The following PGM1 variants were observed in gnomAD, a reference collection of about 807,000 sequenced individuals.
The protein encoded by PGM1 is phosphoglucomutase 1.
PGM1 carries 52 observed loss-of-function variants against 55.6 expected under a neutral mutation model. That is an observed-to-expected ratio of 0.94 (90% confidence interval 0.75 to 1.18). The LOEUF (loss-of-function observed/expected upper bound fraction) is 1.18, where lower values mean the gene tolerates loss of function less well. Among genes scored for constraint, PGM1 ranks in the 50% most tolerant of loss-of-function variants. The probability of loss-of-function intolerance (pLI) is 0.00; values close to 1 mark genes in which losing one functional copy is unlikely to be tolerated. For missense variants in PGM1, 724 were observed against 729.3 expected, an observed-to-expected ratio of 0.99 and a Z score of 0.08; for synonymous variants, 287 against 271.7, an observed-to-expected ratio of 1.06 and a Z score of -0.55.
chr1:63,646,567 C>G (rs1649650426), intron 7 of PGM1, among the ~76,000 whole-genome samples: 1 of 152,092 alleles, frequency 6.6e-6, no homozygotes, highest in Non-Finnish European at 1.5e-5. Context: ...ATGAGTAGGT[C>G]CAATTTGAAG....
chr1:63,616,713 T>C (rs1648722063), intron 1 of PGM1, among the ~76,000 whole-genome samples: 1 of 152,184 alleles, frequency 6.6e-6, no homozygotes, highest in African/African-American at 2.4e-5. Flanking sequence ...GCAGCTGTTA[T>C]GTTTGTTTTT....
chr1:63,600,474 C>G (rs188433093), intron 1 of PGM1, among the ~76,000 whole-genome samples: 2 of 152,102 alleles, frequency 1.3e-5, no homozygotes, highest in Non-Finnish European at 2.9e-5. Flanking sequence ...CTCGGTACTA[C>G]GGATACAACA....
intron 1 of PGM1, among the ~76,000 whole-genome samples, chr1:63,611,876 C>A (rs908036225): frequency 6.6e-6 from 1 of 151,768 alleles, no homozygotes; most frequent in African/African-American, 2.4e-5. Flanking sequence ...TGCACTCCAA[C>A]CTGGCAACAG....
At chr1:63,608,346 G>A (rs1416284530) in intron 1 of PGM1, among the ~76,000 whole-genome samples, 1 of 152,180 alleles carries the variant, frequency 6.6e-6, no homozygotes, top group Non-Finnish European at 1.5e-5. Flanking sequence ...TTTAGGAGCT[G>A]TACAAAATGG....
chr1:63,654,534 TG>T, intron 10 of PGM1, 68 bp downstream of exon 10: 1 of 1,476,744 alleles, frequency 6.8e-7, no homozygotes, highest in South Asian at 1.1e-5. Flanking sequence ...CCATTGAGCC[TG>T]TGTTTCAATG....
chr1:63,658,261 T>C (rs1295718874), intron 10 of PGM1, among the ~76,000 whole-genome samples: 2 of 152,120 alleles, frequency 1.3e-5, no homozygotes, highest in African/African-American at 4.8e-5. Flanking sequence ...CTGGCTCTGC[T>C]ATTGAGTCAT....
In PGM1 at chr1:63,603,908, G is replaced by A. The variant is rs78818426; in HGVS notation, c.246+10174G>A. On this transcript the variant is annotated intron_variant, in intron 1 of 10. Coordinates refer to ENST00000371084, the MANE Select transcript of PGM1 (RefSeq NM_002633.3). Reference sequence around the variant, plus strand: ...TCTTGTCTTCTTTGTCTCCCTGGAAGTTCTATATACAACAGTTACATTTGT... The same window carrying A: ...TCTTGTCTTCTTTGTCTCCCTGGAAATTCTATATACAACAGTTACATTTGT... Among the ~76,000 whole-genome samples the A allele has an allele frequency of 2.5e-3, 380 of 152,328 alleles. 2 individuals carry two copies. Among genetic ancestry groups the A allele is most frequent in the Non-Finnish European group, 4.7e-3 (323 of 68,032 alleles).
At chr1:63,646,441 A>T (rs1242395165) in intron 7 of PGM1, among the ~76,000 whole-genome samples, 1 of 152,128 alleles carries the variant, frequency 6.6e-6, no homozygotes, top group Non-Finnish European at 1.5e-5. Context: ...AAATTTTGTT[A>T]AAGATTTTAG....
intron 1 of PGM1, among the ~76,000 whole-genome samples, chr1:63,602,624 C>T (rs778356513): frequency 9.8e-6 from 1 of 102,482 alleles, no homozygotes; most frequent in Non-Finnish European, 1.9e-5. Flanking sequence ...TGAAATGTTG[C>T]TCAAGAGTGA....
Position 63,631,722 on chromosome 1 carries a change from C to T in PGM1, c.622C>T (p.Leu208=). The T allele has an allele frequency of 6.2e-7, 1 of 1,612,908 alleles. No homozygotes were observed. Among genetic ancestry groups the T allele is most frequent in the Non-Finnish European group, 8.5e-7 (1 of 1,178,928 alleles). ...MLRSIFDFSA[L]KELLSGPNRL... ...GAGAAGCATCTTTGATTTCAGTGCA[C>T]TGAAAGAACTACTTTCTGGGCCAAA... The change falls in exon 4 of 11, where the codon CTG becomes TTG. Residue 208 remains leucine, a synonymous_variant. Coordinates refer to ENST00000371084, the MANE Select transcript of PGM1 (RefSeq NM_002633.3).
chr1:63,654,236 A>G (rs1356550812), intron 9 of PGM1, 96 bp from the exon 10 acceptor site: 20 of 1,212,546 alleles, frequency 1.6e-5, no homozygotes, highest in Non-Finnish European at 2.2e-5. Context: ...ATGAACAAGT[A>G]TGGATGAAAT....
At chr1:63,597,783 A>G (rs557083990) in intron 1 of PGM1, among the ~76,000 whole-genome samples, 5 of 152,202 alleles carry the variant, frequency 3.3e-5, no homozygotes, top group Non-Finnish European at 7.3e-5. Flanking sequence ...TAAGCTCACA[A>G]ATGAATGTGT....
chr1:63,623,980 G>A (rs959868335), intron 1 of PGM1, among the ~76,000 whole-genome samples: 1 of 152,106 alleles, frequency 6.6e-6, no homozygotes, highest in Non-Finnish European at 1.5e-5. Context: ...AGCTTCTTAG[G>A]TATTATGCTG....
rs1391546545 is a variant in PGM1 at position 63,660,051 on chromosome 1, T to G, written c.*376T>G. The G allele has an allele frequency of 1.3e-5, 4 of 296,368 alleles. No homozygotes were observed. The highest frequency in any genetic ancestry group is 2.1e-5 in the African/African-American group (1 of 47,242). The allele number at this position is 296,368 out of a possible 1,614,324, so 18.4% of individuals were successfully genotyped here. ...GTGGCAATGAAATGATGGTGCAAGTTCCTTTCTCTTTTGTGAATCTTTCCC... is the reference window on the plus strand; with the variant it reads ...GTGGCAATGAAATGATGGTGCAAGTGCCTTTCTCTTTTGTGAATCTTTCCC... On this transcript the variant is annotated 3_prime_UTR_variant, in exon 11 of 11. Coordinates refer to ENST00000371084, the MANE Select transcript of PGM1 (RefSeq NM_002633.3).
At chr1:63,651,119 C>A (rs1377716620) in intron 8 of PGM1, among the ~76,000 whole-genome samples, 1 of 151,616 alleles carries the variant, frequency 6.6e-6, no homozygotes, top group Non-Finnish European at 1.5e-5. Flanking sequence ...CAGTGTTTGG[C>A]GTCTTCATCT....
At position 63,593,422 on chromosome 1, in the gene PGM1, A is replaced by G. The variant is rs1041813760; in HGVS notation, c.-67A>G. On this transcript the variant is annotated 5_prime_UTR_variant, in exon 1 of 11. Coordinates refer to ENST00000371084, the MANE Select transcript of PGM1 (RefSeq NM_002633.3). The stretch of plus-strand genomic sequence containing the variant: ...CGTGCCCTCACCCCAGAGCAGCTGC[A>G]GCCTCAGCCGGCCGCCCCTCCGCCA... The G allele has an allele frequency of 1.9e-6, 3 of 1,607,026 alleles. No homozygotes were observed. In the African/African-American group the frequency reaches 4.0e-5, roughly 21 times the overall value.
intron 4 of PGM1, among the ~76,000 whole-genome samples, chr1:63,633,930 ATATTTTT>A (rs1649283963): frequency 4.2e-5 from 3 of 71,318 alleles, no homozygotes; most frequent in African/African-American, 2.6e-4. Context: ...ATATATATAT[ATATTTTT>A]TTTTTTTTTT....
intron 4 of PGM1, 55 bp downstream of exon 4, chr1:63,631,837 T>C: frequency 6.4e-7 from 1 of 1,554,386 alleles, no homozygotes; most frequent in Admixed American, 1.7e-5. Flanking sequence ...AGTTGCCCTC[T>C]TCTGTGTGTA....
intron 1 of PGM1, among the ~76,000 whole-genome samples, chr1:63,596,493 G>A (rs1253889437): frequency 1.3e-5 from 2 of 151,956 alleles, no homozygotes; most frequent in Non-Finnish European, 2.9e-5. Context: ...CTGATCTCAG[G>A]TGATCCACCC....
Sources: allele counts gnomAD v4.1 joint callset (sites outside exome capture counted in the v4.1 genomes callset), GRCh38; gene constraint gnomAD v4.1.1; transcripts MANE v1.5; gene names NCBI Gene and HGNC (gene_info 2026-07-23, HGNC 2026-07-21).